CEP128: variants seen among roughly 807,000 people sequenced by gnomAD.
The protein encoded by CEP128 is centrosomal protein 128kDa.
CEP128 carries 132 observed loss-of-function variants against 156.7 expected under a neutral mutation model. The observed-to-expected ratio is 0.84, with a 90% CI of 0.73 to 0.97. CEP128 has a LOEUF of 0.97. Among genes scored for constraint, CEP128 ranks in the 50% least tolerant of loss-of-function variants. The probability of loss-of-function intolerance (pLI) is 0.00; values close to 1 mark genes in which losing one functional copy is unlikely to be tolerated. For synonymous variants in CEP128, 469 were observed against 448.9 expected, an observed-to-expected ratio of 1.04 and a Z score of -0.57; for missense variants, 1,252 against 1,281.9, an observed-to-expected ratio of 0.98 and a Z score of 0.36.
intron 19 of CEP128, among the ~76,000 whole-genome samples, chr14:80,666,456 C>T (rs1895617158): frequency 6.6e-6 from 1 of 152,160 alleles, no homozygotes; most frequent in African/African-American, 2.4e-5. Context: ...CACTCACAGG[C>T]CTCTGGTCAT....
rs556585383 is a variant in CEP128 at position 80,697,017 on chromosome 14, A to G, written c.2806+46058T>C. ...GAGGTAATGCTTAACAGCAAAGATT[A>G]AAGATCGGTCTTCAAGTGAAATCCT... On this transcript the variant is annotated intron_variant, in intron 19 of 24. Coordinates refer to ENST00000555265, the MANE Select transcript of CEP128 (RefSeq NM_152446.5). Among the ~76,000 whole-genome samples the G allele has an allele frequency of 3.3e-5, 5 of 152,276 alleles. No individual in the cohort carries two copies. The East Asian group carries it at 9.6e-4, about 29-fold the overall frequency.
At chr14:80,917,881 G>GT (rs902851267) in intron 2 of CEP128, among the ~76,000 whole-genome samples, 7 of 151,994 alleles carry the variant, frequency 4.6e-5, no homozygotes, top group African/African-American at 1.7e-4. Flanking sequence ...ATAAGGTTAG[G>GT]TTTTTTTTAA....
chr14:80,924,452 T>C (rs1269362221), intron 2 of CEP128, among the ~76,000 whole-genome samples: 1 of 152,146 alleles, frequency 6.6e-6, no homozygotes, highest in Admixed American at 6.5e-5. Flanking sequence ...AAGATGAAAG[T>C]AAATAAATAA....
intron 14 of CEP128, among the ~76,000 whole-genome samples, chr14:80,788,288 C>CTTTTTTTTTTTTTTTTTTTTTTTT (rs10628361): frequency 5.1e-5 from 5 of 97,256 alleles, no homozygotes; most frequent in Non-Finnish European, 7.6e-5. Context: ...TGGCCAGGAT[C>CTTTTTTTTTTTTTTTTTTTTTTTT]TTTTTTTTTT....
chr14:80,631,784 A>G (rs1266272866), intron 19 of CEP128, among the ~76,000 whole-genome samples: 1 of 152,124 alleles, frequency 6.6e-6, no homozygotes, highest in Admixed American at 6.5e-5. Flanking sequence ...TAGGTGTCAG[A>G]TATTAAAAAG....
intron 23 of CEP128, among the ~76,000 whole-genome samples, chr14:80,510,713 A>G (rs559909810): frequency 2.6e-5 from 4 of 152,148 alleles, no homozygotes; most frequent in African/African-American, 9.6e-5. Flanking sequence ...TTCCTCATTC[A>G]GTATGATACT....
intron 19 of CEP128, among the ~76,000 whole-genome samples, chr14:80,654,394 A>G (rs991663486): frequency 1.3e-5 from 2 of 152,166 alleles, no homozygotes; most frequent in African/African-American, 4.8e-5. Context: ...GGACATTTAA[A>G]CAGAGAGGGG....
intron 19 of CEP128, among the ~76,000 whole-genome samples, chr14:80,618,579 T>C (rs1319808440): frequency 6.6e-6 from 1 of 152,204 alleles, no homozygotes; most frequent in African/African-American, 2.4e-5. Context: ...CAGTAGACTA[T>C]GAATGGAAAC....
At chr14:80,796,496 A>G (rs1310406514) in intron 13 of CEP128, among the ~76,000 whole-genome samples, 1 of 151,856 alleles carries the variant, frequency 6.6e-6, no homozygotes, top group Admixed American at 6.6e-5. Context: ...GTTTCCTTGT[A>G]GCAGGTGACA....
chr14:80,562,784 C>T (rs139970900), intron 20 of CEP128, among the ~76,000 whole-genome samples: 3,878 of 151,374 alleles, frequency 0.026, 77 homozygotes, highest in Middle Eastern at 0.045. Context: ...CCTCAGCATC[C>T]CAAGTAACCG....
chr14:80,913,201 CT>C (rs138852363), intron 4 of CEP128, among the ~76,000 whole-genome samples: 7,471 of 152,180 alleles, frequency 0.049, 627 homozygotes, highest in African/African-American at 0.17. Flanking sequence ...TGCAATTCTA[CT>C]TCCAGCAATC....
In CEP128 at chr14:80,756,970, T is replaced by C. The variant is rs1224176808; in HGVS notation, c.2554-19A>G. 3 of 1,515,530 alleles carry C rather than the reference T, an allele frequency of 2.0e-6. No individual in the cohort carries two copies. Among genetic ancestry groups the C allele is most frequent in the South Asian group, 2.3e-5 (2 of 86,830 alleles). 93.9% of individuals were successfully genotyped at this position (1,515,530 alleles called of 1,614,324 possible). A position where few individuals can be genotyped will look rare whatever the true frequency, so the allele number is the denominator to read the frequency against. On this transcript the variant is annotated intron_variant, in intron 17 of 24. Transcript: ENST00000555265. ...AAAAAACCTACAAAAGAGAAAACAG[T>C]CGATTAGAAATACATTTTTCTCTGA...
chr14:80,701,866 G>C (rs1329644329), intron 19 of CEP128, among the ~76,000 whole-genome samples: 2 of 152,118 alleles, frequency 1.3e-5, no homozygotes, highest in Non-Finnish European at 2.9e-5. Flanking sequence ...AAACAGGCCG[G>C]ATACATTGCA....
rs114261651 is a variant in CEP128 at position 80,750,313 on chromosome 14, T to C, written c.2613+6579A>G. On this transcript the variant is annotated intron_variant, in intron 18 of 24. Coordinates refer to ENST00000555265, the MANE Select transcript of CEP128 (RefSeq NM_152446.5). Reference sequence around the variant, plus strand: ...GAATGGACTGGACCGTGTCAAATCATAGTGTAGTTGCCCCTGCTAATGTAG... The same window carrying C: ...GAATGGACTGGACCGTGTCAAATCACAGTGTAGTTGCCCCTGCTAATGTAG... Among the ~76,000 whole-genome samples the C allele has an allele frequency of 2.5e-3, 386 of 152,342 alleles. 3 individuals are homozygous for C. Among genetic ancestry groups the C allele is most frequent in the African/African-American group, 9.1e-3 (380 of 41,586 alleles).
At chr14:80,823,205 G>C (rs1885282212) in intron 13 of CEP128, among the ~76,000 whole-genome samples, 1 of 152,198 alleles carries the variant, frequency 6.6e-6, no homozygotes, top group Non-Finnish European at 1.5e-5. Flanking sequence ...CTGACCCCTA[G>C]TCATTGGTTA....
chr14:80,628,989 T>C (rs113433352), intron 19 of CEP128, among the ~76,000 whole-genome samples: 327 of 152,128 alleles, frequency 2.1e-3, no homozygotes, highest in African/African-American at 7.8e-3. Flanking sequence ...TACATTTGTA[T>C]TTTTAGTTCC....
At chr14:80,671,169 A>G (rs1895825940) in intron 19 of CEP128, among the ~76,000 whole-genome samples, 1 of 152,200 alleles carries the variant, frequency 6.6e-6, no homozygotes, top group South Asian at 2.1e-4. Context: ...AAGGACCTTC[A>G]GCATTTTGTC....
chr14:80,648,808 C>T (rs773739087), intron 19 of CEP128, among the ~76,000 whole-genome samples: 2 of 152,018 alleles, frequency 1.3e-5, no homozygotes. Context: ...AAAATGGACA[C>T]TATACTGCTT....
intron 2 of CEP128, among the ~76,000 whole-genome samples, chr14:80,923,225 T>C (rs577674878): frequency 3.9e-4 from 60 of 152,268 alleles, no homozygotes; most frequent in African/African-American, 1.4e-3. Flanking sequence ...CCAGAGCAAA[T>C]AACAAATCCT....
Sources: gnomAD v4.1 joint callset for allele counts (sites outside exome capture counted in the v4.1 genomes callset) on GRCh38, gnomAD v4.1.1 for gene constraint, MANE v1.5 for transcripts, NCBI Gene and HGNC (gene_info 2026-07-23, HGNC 2026-07-21) for gene names.